UGT3A2: variants seen among roughly 807,000 people sequenced by gnomAD.
The protein encoded by UGT3A2 is UDP-glycosyltransferase 3A2.
In UGT3A2, 32 loss-of-function variants were observed where a neutral mutation model predicts 39.8. That is an observed-to-expected ratio of 0.80 (90% CI 0.61 to 1.08). UGT3A2 has a LOEUF of 1.08. Ranked by LOEUF, UGT3A2 falls within the 50% of genes least tolerant of loss-of-function variation. The pLI, the probability that UGT3A2 is intolerant of heterozygous loss-of-function variation, is 0.00. For synonymous variants in UGT3A2, 241 were observed against 230.7 expected, an observed-to-expected ratio of 1.04 and a Z score of -0.40; for missense variants, 611 against 637.1, an observed-to-expected ratio of 0.96 and a Z score of 0.44.
chr5:36,066,670 TG>T, intron 1 of UGT3A2, 25 bp downstream of exon 1: 1 of 1,613,718 alleles, frequency 6.2e-7, no homozygotes, highest in Non-Finnish European at 8.5e-7. Context: ...CGCGCCTGTC[TG>T]GGAATTCTCC....
At position 36,062,644 on chromosome 5, in the gene UGT3A2, A is replaced by G. The variant is rs561851152; in HGVS notation, c.196+1605T>C. On this transcript the variant is annotated intron_variant, in intron 2 of 6. Coordinates refer to ENST00000282507, the MANE Select transcript of UGT3A2 (RefSeq NM_174914.4). ...AGTACCATGCTGTTTTGTTTACTGT[A>G]GTCTTGTAGTATAGTTTGAAGTCAG... Among the ~76,000 whole-genome samples, 24 of 152,224 alleles carry G rather than the reference A, an allele frequency of 1.6e-4. 1 individual carries two copies. In the South Asian group the frequency reaches 4.8e-3, roughly 30 times the overall value.
At chr5:36,042,485 A>T (rs11749354) in intron 4 of UGT3A2, among the ~76,000 whole-genome samples, 28,321 of 152,078 alleles carry the variant, frequency 0.19, 3,357 homozygotes, top group Non-Finnish European at 0.25. Flanking sequence ...GAAAGAGAAG[A>T]TCACAACACA....
chr5:36,062,182 T>C (rs2111774846), intron 2 of UGT3A2, among the ~76,000 whole-genome samples: 1 of 150,544 alleles, frequency 6.6e-6, no homozygotes, highest in Non-Finnish European at 1.5e-5. Flanking sequence ...TTTTCTCCCA[T>C]TTTGTAGGTT....
intron 2 of UGT3A2, among the ~76,000 whole-genome samples, chr5:36,054,007 A>G (rs1016624058): frequency 1.3e-5 from 2 of 152,182 alleles, no homozygotes; most frequent in Non-Finnish European, 2.9e-5. Context: ...CACACATAAA[A>G]TACAGTAACA....
At chr5:36,043,014 G>A (rs1742059832) in intron 4 of UGT3A2, among the ~76,000 whole-genome samples, 1 of 152,034 alleles carries the variant, frequency 6.6e-6, no homozygotes, top group Middle Eastern at 3.2e-3. Context: ...AACTTAATCT[G>A]CACTACAGAT....
At position 36,039,449 on chromosome 5, in the gene UGT3A2, G is replaced by T. The variant is rs372110752; in HGVS notation, c.1075+28C>A. On this transcript the variant is annotated intron_variant, in intron 5 of 6. Coordinates refer to ENST00000282507, the MANE Select transcript of UGT3A2 (RefSeq NM_174914.4). ...AGCCCCAAAGACAGGTCAGTGGAAGGAGAGGAGCAGTCCTGGGCAGCCCTT... is the reference window on the plus strand; with the variant it reads ...AGCCCCAAAGACAGGTCAGTGGAAGTAGAGGAGCAGTCCTGGGCAGCCCTT... The T allele has an allele frequency of 4.7e-5, 76 of 1,603,634 alleles. No homozygotes were observed. The African/African-American group carries it at 9.4e-4, about 20-fold the overall frequency.
intron 4 of UGT3A2, among the ~76,000 whole-genome samples, chr5:36,041,185 G>A (rs1741995012): frequency 6.6e-6 from 1 of 152,044 alleles, no homozygotes; most frequent in Non-Finnish European, 1.5e-5. Context: ...GGGTGGGGTG[G>A]CCATGGGCGA....
chr5:36,045,735 C>T (rs1008721214), intron 4 of UGT3A2, among the ~76,000 whole-genome samples: 1 of 152,062 alleles, frequency 6.6e-6, no homozygotes, highest in Non-Finnish European at 1.5e-5. Context: ...ATTTCTTTTT[C>T]TTGTGTAATG....
intron 4 of UGT3A2, among the ~76,000 whole-genome samples, chr5:36,048,565 T>C (rs1356403242): frequency 6.6e-6 from 1 of 152,208 alleles, no homozygotes; most frequent in East Asian, 1.9e-4. Context: ...ATGTTTATTG[T>C]ACATGTGATC....
At chr5:36,038,131 T>A in intron 5 of UGT3A2, 115 bp from the exon 6 acceptor site, 1 of 1,064,970 alleles carries the variant, frequency 9.4e-7, no homozygotes, top group Non-Finnish European at 1.3e-6. Flanking sequence ...TTGGAGACAT[T>A]GTATCTAATG....
chr5:36,061,307 G>A (rs886120607), intron 2 of UGT3A2, among the ~76,000 whole-genome samples: 2 of 151,468 alleles, frequency 1.3e-5, no homozygotes, highest in African/African-American at 4.9e-5. Context: ...AGTTACATAC[G>A]TACACATGTG....
intron 4 of UGT3A2, among the ~76,000 whole-genome samples, chr5:36,046,020 G>A (rs1288758852): frequency 6.6e-6 from 1 of 152,076 alleles, no homozygotes; most frequent in Non-Finnish European, 1.5e-5. Flanking sequence ...CATATAAAAG[G>A]TTTGCTCAGT....
chr5:36,058,515 C>A (rs903469623), intron 2 of UGT3A2, among the ~76,000 whole-genome samples: 14 of 152,222 alleles, frequency 9.2e-5, no homozygotes, highest in African/African-American at 3.4e-4. Flanking sequence ...ACCCAGAAGG[C>A]ATGCTGAAGG....
rs140266952 is a variant in UGT3A2 at position 36,056,481 on chromosome 5, G to A, written c.197-4497C>T. On this transcript the variant is annotated intron_variant, in intron 2 of 6. Coordinates refer to ENST00000282507, the MANE Select transcript of UGT3A2 (RefSeq NM_174914.4). The stretch of plus-strand genomic sequence containing the variant: ...ATTTTAGGTTTTGGTTGCTGCGCAC[G>A]TGCAAGTAATAAATCCACTTCATGG... Among the ~76,000 whole-genome samples the A allele has an allele frequency of 1.1e-4, 17 of 152,328 alleles. No individual in the cohort carries two copies. In the South Asian group the frequency reaches 1.7e-3, roughly 15 times the overall value.
Position 36,049,012 on chromosome 5 carries a change from A to C in UGT3A2, c.720T>G (p.Leu240=), listed in dbSNP as rs184940127. 1.3e-5 allele frequency: 21 copies of C among 1,614,220 alleles called. No homozygotes were observed. In the Admixed American group the frequency reaches 3.5e-4, roughly 27 times the overall value. The change falls in exon 4 of 7, where the codon CTT becomes CTG. Residue 240 remains leucine (L), a synonymous_variant. Coordinates refer to ENST00000282507, the MANE Select transcript of UGT3A2 (RefSeq NM_174914.4). ...TGAACCACAACTCTGCTTTCAGTAG[A>C]AGATGAGACAAAACTGGCCTAGAGC... The part of the protein sequence containing the change: ...TEGSRPVLSH[L]LLKAELWFIN...
Position 36,050,152 on chromosome 5 carries a change from T to A in UGT3A2, c.312-732A>T, listed in dbSNP as rs148892930. On this transcript the variant is annotated intron_variant, in intron 3 of 6. Coordinates refer to ENST00000282507, the MANE Select transcript of UGT3A2 (RefSeq NM_174914.4). Reference sequence around the variant, plus strand: ...TTACATATTTGTTTACTTATTTATATTATTATTTTTATTTAATTATTTATT... The same window carrying A: ...TTACATATTTGTTTACTTATTTATAATATTATTTTTATTTAATTATTTATT... 2.1e-3 allele frequency among the ~76,000 whole-genome samples: 322 copies of A among 150,380 alleles called. 1 individual carries two copies. The highest frequency in any genetic ancestry group is 7.1e-3 in the African/African-American group (294 of 41,276).
chr5:36,063,847 G>C (rs1294193053), intron 2 of UGT3A2, among the ~76,000 whole-genome samples: 2 of 152,144 alleles, frequency 1.3e-5, no homozygotes, highest in Admixed American at 1.3e-4. Flanking sequence ...TGTTGCTCAG[G>C]CTGGTCTCAA....
chr5:36,057,534 TCTC>T lies in UGT3A2; in HGVS notation c.197-5553_197-5551del, dbSNP rs199549474. ...TCAGTAGTTTCTCTCTCTCTCTCTC[TCTC>T]TTTTTTTTTTTTTTCTCAGACTGGG... On this transcript the variant is annotated intron_variant, in intron 2 of 6. Transcript: ENST00000282507. 3.4e-4 allele frequency among the ~76,000 whole-genome samples: 50 copies of T among 145,930 alleles called. 1 individual carries two copies. Among genetic ancestry groups the T allele is most frequent in the South Asian group, 2.3e-3 (11 of 4,722 alleles).
chr5:36,065,595 A>G (rs74747216), intron 1 of UGT3A2, among the ~76,000 whole-genome samples: 2,622 of 152,276 alleles, frequency 0.017, 67 homozygotes, highest in African/African-American at 0.06. Flanking sequence ...AAAGAGGGGG[A>G]AAAAGTCTTC....
Sources: gnomAD v4.1 joint callset for allele counts (sites outside exome capture counted in the v4.1 genomes callset) on GRCh38, gnomAD v4.1.1 for gene constraint, MANE v1.5 for transcripts, NCBI Gene and HGNC (gene_info 2026-07-23, HGNC 2026-07-21) for gene names.